BBS2: variants seen among roughly 807,000 people sequenced by gnomAD.
BBS2 encodes the protein Bardet-Biedl syndrome 2.
BBS2 carries 62 observed loss-of-function variants against 83.0 expected under a neutral mutation model. The ratio of observed to expected loss-of-function variants is 0.75; its 90% CI spans 0.61 to 0.92. The LOEUF (loss-of-function observed/expected upper bound fraction) is 0.92. BBS2 is among the 40% of genes least tolerant of loss of function. The probability of loss-of-function intolerance (pLI) is 0.00; values close to 1 mark genes in which losing one functional copy is unlikely to be tolerated. For missense variants in BBS2, 784 were observed against 901.0 expected (o/e 0.87, Z 1.66); for synonymous variants, 303 against 326.1 (o/e 0.93, Z 0.76).
Position 56,499,522 on chromosome 16 carries a change from C to T in BBS2, c.1527+256G>A, listed in dbSNP as rs561070479. ...CAGGACAACCACACTAAGACCATAACGGAAAGAGAGGAATTAAACACTGGT... is the reference window on the plus strand; with the variant it reads ...CAGGACAACCACACTAAGACCATAATGGAAAGAGAGGAATTAAACACTGGT... On this transcript the variant is annotated intron_variant, in intron 12 of 16. Coordinates refer to ENST00000245157, the MANE Select transcript of BBS2 (RefSeq NM_031885.5). 26 of 427,472 alleles carry T rather than the reference C, an allele frequency of 6.1e-5. 1 individual carries two copies. The East Asian group carries it at 1.1e-3, about 18-fold the overall frequency. 26.5% of individuals were successfully genotyped at this position (427,472 alleles called of 1,614,324 possible).
chr16:56,481,791 A>G (rs563155231), downstream of BBS2, among the ~76,000 whole-genome samples: 1 of 152,326 alleles, frequency 6.6e-6, no homozygotes, highest in East Asian at 1.9e-4. Context: ...AGGTAGTTGC[A>G]TGTTTTATGA....
chr16:56,497,991 T>G, intron 13 of BBS2, 111 bp from the exon 14 acceptor site: 1 of 1,119,652 alleles, frequency 8.9e-7, no homozygotes, highest in Non-Finnish European at 1.3e-6. Flanking sequence ...CATATATATA[T>G]ATATGCAGTG....
At position 56,502,307 on chromosome 16, in the gene BBS2, CTA is replaced by C; in HGVS notation, c.1080+8_1080+9del. On this transcript the variant is annotated splice_region_variant and intron_variant, in intron 9 of 16. Coordinates refer to ENST00000245157, the MANE Select transcript of BBS2 (RefSeq NM_031885.5). ...CTCCATTACCTGGTCACATTAGGAC[CTA>C]CACCTACCTTGGCATTTTCCTCATA... 1 of 1,614,186 alleles carries C rather than the reference CTA, an allele frequency of 6.2e-7. No homozygotes were observed. Among genetic ancestry groups the C allele is most frequent in the Non-Finnish European group, 8.5e-7 (1 of 1,180,026 alleles).
chr16:56,471,472 T>C (rs1195478266), intron 17 of BBS2, among the ~76,000 whole-genome samples: 5 of 152,090 alleles, frequency 3.3e-5, no homozygotes, highest in Admixed American at 6.5e-5. Context: ...TATAACAGCC[T>C]AAGAATTTAA....
At chr16:56,486,530 C>A (rs1963781109) in intron 15 of BBS2, among the ~76,000 whole-genome samples, 1 of 152,148 alleles carries the variant, frequency 6.6e-6, no homozygotes, top group Admixed American at 6.5e-5. Context: ...AAAGGAACTA[C>A]AAATACATGC....
chr16:56,490,128 GCA>G (rs149944639), intron 15 of BBS2, among the ~76,000 whole-genome samples: 35,371 of 112,910 alleles, frequency 0.31, 4,501 homozygotes, highest in East Asian at 0.46. Flanking sequence ...ACACACACAC[GCA>G]CACACACACA....
At chr16:56,471,240 T>C (rs1291897481) in intron 17 of BBS2, among the ~76,000 whole-genome samples, 2 of 151,076 alleles carry the variant, frequency 1.3e-5, no homozygotes, top group Admixed American at 6.6e-5. Context: ...TGAACGCCTG[T>C]AATCCAAGCT....
chr16:56,517,337 C>G (rs1597030462), intron 1 of BBS2, among the ~76,000 whole-genome samples: 1 of 152,348 alleles, frequency 6.6e-6, no homozygotes, highest in East Asian at 1.9e-4. Context: ...CATGACCACC[C>G]TCATTGCCTT....
At chr16:56,508,320 G>C (rs1964480343) in intron 5 of BBS2, among the ~76,000 whole-genome samples, 1 of 152,146 alleles carries the variant, frequency 6.6e-6, no homozygotes, top group Non-Finnish European at 1.5e-5. Flanking sequence ...TTTGAGACTA[G>C]TGCCCTCGAG....
intron 15 of BBS2, among the ~76,000 whole-genome samples, chr16:56,492,394 G>A (rs1963980677): frequency 6.6e-6 from 1 of 152,210 alleles, no homozygotes; most frequent in East Asian, 1.9e-4. Flanking sequence ...GTTACACTGA[G>A]TGAAATAAGC....
rs531566398 is a variant in BBS2 at position 56,499,581 on chromosome 16, G to C, written c.1527+197C>G. Reference sequence around the variant, plus strand: ...ACCAATAACTGAGGATTGCTCAGATGCTTTTTCAAAGTGAGAGAAGGTATT... The same window carrying C: ...ACCAATAACTGAGGATTGCTCAGATCCTTTTTCAAAGTGAGAGAAGGTATT... On this transcript the variant is annotated intron_variant, in intron 12 of 16. Coordinates refer to ENST00000245157, the MANE Select transcript of BBS2 (RefSeq NM_031885.5). 373 of 607,608 alleles carry C rather than the reference G, an allele frequency of 6.1e-4. 4 individuals carry two copies. In the South Asian group the frequency reaches 6.5e-3, roughly 11 times the overall value. The allele number at this position is 607,608 out of a possible 1,614,324, so 37.6% of individuals were successfully genotyped here. A position where few individuals can be genotyped will look rare whatever the true frequency, so the allele number is the denominator to read the frequency against.
chr16:56,499,944 G>A, intron 11 of BBS2, 37 bp from the exon 12 acceptor site: 1 of 1,612,144 alleles, frequency 6.2e-7, no homozygotes, highest in Non-Finnish European at 8.5e-7. Context: ...GAATTGTTTT[G>A]TATAGAATGT....
chr16:56,487,194 TAAA>T (rs574194498), intron 15 of BBS2, among the ~76,000 whole-genome samples: 2 of 146,868 alleles, frequency 1.4e-5, no homozygotes, highest in Admixed American at 1.4e-4. Flanking sequence ...TAATTTGATT[TAAA>T]AAAAAAAACA....
At chr16:56,505,319 A>G (rs1040893572) in intron 7 of BBS2, among the ~76,000 whole-genome samples, 2 of 152,238 alleles carry the variant, frequency 1.3e-5, no homozygotes, top group Non-Finnish European at 2.9e-5. Flanking sequence ...AAGTAAAGAT[A>G]AATCAAAGAA....
intron 7 of BBS2, among the ~76,000 whole-genome samples, chr16:56,503,730 T>C (rs1964345263): frequency 1.3e-5 from 2 of 152,198 alleles, no homozygotes; most frequent in South Asian, 4.2e-4. Flanking sequence ...CCATTCTGGC[T>C]AACATGGTGA....
chr16:56,471,359 C>G (rs1247113655), intron 17 of BBS2, among the ~76,000 whole-genome samples: 16 of 145,758 alleles, frequency 1.1e-4, no homozygotes, highest in African/African-American at 3.8e-4. Context: ...GAGACTACAT[C>G]TCAAAGAAAA....
Position 56,506,169 on chromosome 16 carries a change from T to C in BBS2, c.668A>G (p.Asn223Ser), listed in dbSNP as rs146173201. The change falls in exon 6 of 17, where the codon AAT (asparagine) becomes AGT (serine). Residue 223 changes from asparagine (N) to serine (S), a missense_variant. By Grantham distance (46) the Asn-to-Ser change is conservative (BLOSUM62 1). Coordinates refer to ENST00000245157, the MANE Select transcript of BBS2 (RefSeq NM_031885.5). Reference sequence around the variant, plus strand: ...TTTGTCATAAACTCCAACTGTGCCATTGGAAAGGGCATAACCAAATCGACT... The same window carrying C: ...TTTGTCATAAACTCCAACTGTGCCACTGGAAAGGGCATAACCAAATCGACT... ...YGSRFGYALS[N>S]GTVGVYDKTS... 15 of 1,613,952 alleles carry C rather than the reference T, an allele frequency of 9.3e-6. No homozygotes were observed. The highest frequency in any genetic ancestry group is 5.0e-5 in the Admixed American group (3 of 60,006).
At chr16:56,518,939 A>G (rs1197331284) in intron 1 of BBS2, among the ~76,000 whole-genome samples, 1 of 152,208 alleles carries the variant, frequency 6.6e-6, no homozygotes, top group East Asian at 1.9e-4. Context: ...TTAGTGAATA[A>G]ATTACGGGGA....
chr16:56,485,474 G>A (rs1963749366), intron 16 of BBS2, 116 bp downstream of exon 16: 2 of 1,363,190 alleles, frequency 1.5e-6, no homozygotes, highest in African/African-American at 1.4e-5. Flanking sequence ...GCTCTGGAGT[G>A]TGAAAGGTAT....
Sources: allele counts gnomAD v4.1 joint callset (sites outside exome capture counted in the v4.1 genomes callset), GRCh38; gene constraint gnomAD v4.1.1; transcripts MANE v1.5; gene names NCBI Gene and HGNC (gene_info 2026-07-23, HGNC 2026-07-21).